Variants in PSAT1 observed in about 807,000 individuals in gnomAD.
PSAT1 encodes the protein phosphoserine aminotransferase.
Under a neutral mutation model 40.3 loss-of-function variants are expected in PSAT1, and 41 were observed. That is an observed-to-expected ratio of 1.02 (90% CI 0.79 to 1.32). The LOEUF is 1.32. Among genes scored for constraint, PSAT1 ranks in the 40% most tolerant of loss-of-function variants. The pLI, the probability that PSAT1 is intolerant of heterozygous loss-of-function variation, is 0.00. For missense variants in PSAT1, 406 were observed against 455.8 expected, an observed-to-expected ratio of 0.89 and a Z score of 0.99; for synonymous variants, 147 against 170.5, an observed-to-expected ratio of 0.86 and a Z score of 1.07.
rs930774232 is a variant in PSAT1, at chr9:78,297,200, G to A, written c.-11G>A. 7 of 1,595,276 alleles carry A rather than the reference G, an allele frequency of 4.4e-6. No homozygotes were observed. The highest frequency in any genetic ancestry group is 6.0e-6 in the Non-Finnish European group (7 of 1,175,254). The stretch of plus-strand genomic sequence containing the variant: ...CCTCCTTGGCTGACTCACCGCCCTG[G>A]CCGCCGCACCATGGACGCCCCCAGG... On this transcript the variant is annotated 5_prime_UTR_variant, in exon 1 of 9. Coordinates refer to ENST00000376588, the MANE Select transcript of PSAT1 (RefSeq NM_058179.4).
chr9:78,305,774 G>C (rs1399810397), intron 4 of PSAT1, among the ~76,000 whole-genome samples: 1 of 152,222 alleles, frequency 6.6e-6, no homozygotes, highest in Non-Finnish European at 1.5e-5. Flanking sequence ...CTGAGAGTAG[G>C]TGAGGGCTGG....
Position 78,300,632 on chromosome 9 carries a change from G to A in PSAT1, c.91G>A (p.Asp31Asn), listed in dbSNP as rs1192067309. The A allele has an allele frequency of 6.3e-7, 1 of 1,594,426 alleles. No homozygotes were observed. The highest frequency in any genetic ancestry group is 8.6e-7 in the Non-Finnish European group (1 of 1,169,138). ...GTTAGAGATACAAAAGGAATTATTA[G>A]ACTACAAAGGAGTTGGCATTAGTGT... ...VLLEIQKELL[D>N]YKGVGISVLE... Residue 31 changes from aspartate (D) to asparagine (N), a missense_variant, in exon 2 of 9, where the codon GAC (aspartate) becomes AAC (asparagine). Physicochemically the swap from Asp to Asn is conservative, Grantham distance 23. Transcript: ENST00000376588.
Position 78,320,479 on chromosome 9 carries a change from C to T in PSAT1, c.869+2675C>T, listed in dbSNP as rs1828413133. ...CCCACCCATCTATTCATTCACCCTT[C>T]CACCTATCTACCCATCTATCTATCC... is the stretch of plus-strand genomic sequence containing the variant. On this transcript the variant is annotated intron_variant, in intron 7 of 8. Coordinates refer to ENST00000376588, the MANE Select transcript of PSAT1 (RefSeq NM_058179.4). Among the ~76,000 whole-genome samples, 10 of 151,438 alleles carry T rather than the reference C, an allele frequency of 6.6e-5. No individual in the cohort carries two copies. The South Asian group carries it at 2.1e-3, about 32-fold the overall frequency.
intron 7 of PSAT1, among the ~76,000 whole-genome samples, chr9:78,320,964 G>T (rs1236596516): frequency 6.6e-6 from 1 of 152,056 alleles, no homozygotes; most frequent in Non-Finnish European, 1.5e-5. Context: ...AAGGGCATCA[G>T]GAACAAAATA....
intron 8 of PSAT1, 80 bp downstream of exon 8, chr9:78,328,268 G>T: frequency 1.3e-6 from 2 of 1,566,166 alleles, no homozygotes; most frequent in Admixed American, 1.7e-5. Context: ...ATCTATAGGA[G>T]CCTGCTTAGC....
chr9:78,307,269 T>G (rs1453204748), intron 5 of PSAT1, among the ~76,000 whole-genome samples: 2 of 152,198 alleles, frequency 1.3e-5, no homozygotes, highest in African/African-American at 4.8e-5. Context: ...ACTCTAGGTA[T>G]CTCCTAGAAG....
chr9:78,322,984 A>T (rs1828450557), intron 7 of PSAT1, among the ~76,000 whole-genome samples: 1 of 152,244 alleles, frequency 6.6e-6, no homozygotes, highest in Non-Finnish European at 1.5e-5. Context: ...GCTTTGACCA[A>T]GGATTTTGAT....
At position 78,300,564 on chromosome 9, in the gene PSAT1, A is replaced by G. The variant is rs200856325; in HGVS notation, c.61-38A>G. The G allele has an allele frequency of 5.8e-5, 92 of 1,596,746 alleles. No homozygotes were observed. The East Asian group carries it at 2.1e-3, about 36-fold the overall frequency. Reference sequence around the variant, plus strand: ...GTTCAGAGGGAAAGCAGTGCAGAACATATTTAAATAACCCTATTTTCCTTT... The same window carrying G: ...GTTCAGAGGGAAAGCAGTGCAGAACGTATTTAAATAACCCTATTTTCCTTT... On this transcript the variant is annotated intron_variant, in intron 1 of 8. Coordinates refer to ENST00000376588, the MANE Select transcript of PSAT1 (RefSeq NM_058179.4).
At chr9:78,297,738 T>A (rs1049441053) in intron 1 of PSAT1, among the ~76,000 whole-genome samples, 6 of 152,340 alleles carry the variant, frequency 3.9e-5, no homozygotes, top group African/African-American at 1.4e-4. Flanking sequence ...TGAACGGGAA[T>A]GAACCGATGA....
intron 4 of PSAT1, among the ~76,000 whole-genome samples, chr9:78,305,572 T>A (rs1046078486): frequency 1.3e-5 from 2 of 152,216 alleles, no homozygotes; most frequent in African/African-American, 4.8e-5. Flanking sequence ...CAGAAAAAGC[T>A]GTCCCTTTCT....
chr9:78,321,350 G>C (rs1828427025), intron 7 of PSAT1, among the ~76,000 whole-genome samples: 1 of 152,164 alleles, frequency 6.6e-6, no homozygotes, highest in Non-Finnish European at 1.5e-5. Flanking sequence ...TTTATAGCTG[G>C]AGACTCCCAG....
chr9:78,298,028 T>G (rs1243877732), intron 1 of PSAT1, among the ~76,000 whole-genome samples: 3 of 152,140 alleles, frequency 2.0e-5, no homozygotes, highest in Admixed American at 6.5e-5. Flanking sequence ...CTGGTAGACT[T>G]TGGGCTGCTT....
At position 78,306,352 on chromosome 9, in the gene PSAT1, GC is replaced by G. The variant is rs1828182954; in HGVS notation, c.438del (p.Ser147ProfsTer47). On this transcript the variant is annotated frameshift_variant, in exon 5 of 9. Transcript: ENST00000376588. LOFTEE classifies it high-confidence loss of function. ...DPSTWNLNPD[A>X]SYVYYCANET... Reference sequence around the variant, plus strand: ...AAGCACCTGGAACCTCAACCCAGATGCCTCCTACGTGTATTATTGCGCAAAT... The same window carrying G: ...AAGCACCTGGAACCTCAACCCAGATGCTCCTACGTGTATTATTGCGCAAAT... 3 of 1,612,620 alleles carry G rather than the reference GC, an allele frequency of 1.9e-6. No homozygotes were observed. The highest frequency in any genetic ancestry group is 1.7e-6 in the Non-Finnish European group (2 of 1,179,978).
intron 1 of PSAT1, chr9:78,298,379 G>C: frequency 1.0e-6 from 1 of 985,434 alleles, no homozygotes; most frequent in Non-Finnish European, 1.2e-6. Flanking sequence ...CCCTGGGACA[G>C]AGCCTCCTCT....
At chr9:78,303,598 G>A (rs922263545) in intron 3 of PSAT1, among the ~76,000 whole-genome samples, 2 of 152,096 alleles carry the variant, frequency 1.3e-5, no homozygotes, top group African/African-American at 4.8e-5. Flanking sequence ...TGTGAACCTG[G>A]AACTCTGTCT....
intron 1 of PSAT1, chr9:78,298,409 G>A (rs757537021): frequency 4.1e-6 from 4 of 985,414 alleles, no homozygotes; most frequent in African/African-American, 3.5e-5. Flanking sequence ...TAAGAACAGA[G>A]AATCCAATTT....
intron 1 of PSAT1, chr9:78,298,493 TCA>T: frequency 4.2e-6 from 4 of 944,860 alleles, no homozygotes; most frequent in Non-Finnish European, 5.0e-6. Context: ...TTATTTTTTC[TCA>T]GTGGTTACAG....
At chr9:78,314,767 A>T (rs1828316540) in intron 6 of PSAT1, among the ~76,000 whole-genome samples, 1 of 151,994 alleles carries the variant, frequency 6.6e-6, no homozygotes. Context: ...GTCGGTACTG[A>T]GGTCTGGCTA....
intron 2 of PSAT1, 129 bp downstream of exon 2, chr9:78,300,791 C>T (rs1445050585): frequency 7.3e-7 from 1 of 1,375,128 alleles, no homozygotes; most frequent in Admixed American, 3.2e-5. Flanking sequence ...TCATAGTTCA[C>T]TGCAGCCTCC....
Sources: allele counts gnomAD v4.1 joint callset (sites outside exome capture counted in the v4.1 genomes callset), GRCh38; gene constraint gnomAD v4.1.1; transcripts MANE v1.5; gene names NCBI Gene and HGNC (gene_info 2026-07-23, HGNC 2026-07-21).